TTC39B: variants seen among roughly 807,000 people sequenced by gnomAD.
TTC39B encodes tetratricopeptide repeat protein 39B.
TTC39B carries 92 observed loss-of-function variants against 96.6 expected under a neutral mutation model. The ratio of observed to expected loss-of-function variants is 0.95; its 90% CI spans 0.80 to 1.13. The LOEUF (loss-of-function observed/expected upper bound fraction) is 1.13, where lower values mean the gene tolerates loss of function less well. Ranked by LOEUF, TTC39B falls within the 50% of genes most tolerant of loss-of-function variation. The probability of loss-of-function intolerance (pLI) is 0.00; values close to 1 mark genes in which losing one functional copy is unlikely to be tolerated. For synonymous variants in TTC39B, 367 were observed against 299.4 expected, an observed-to-expected ratio of 1.23 and a Z score of -2.33; for missense variants, 955 against 809.3, an observed-to-expected ratio of 1.18 and a Z score of -2.18.
intron 1 of TTC39B, among the ~76,000 whole-genome samples, chr9:15,278,336 T>C (rs1823625964): frequency 6.6e-6 from 1 of 152,156 alleles, no homozygotes; most frequent in South Asian, 2.1e-4. Flanking sequence ...TAGTGATATA[T>C]GGTATATAAT....
rs928000474 is a variant in TTC39B at position 15,306,308 on chromosome 9, G to C, written c.240+776C>G. On this transcript the variant is annotated intron_variant, in intron 1 of 19. Coordinates refer to ENST00000512701, the Ensembl canonical transcript of TTC39B. The surrounding 1 kb of genome is among the most constrained non-coding windows in gnomAD (Gnocchi z 5.1). Reference sequence around the variant, plus strand: ...AATAGTCAATAAATCAACAGGTCCGGCGCGCTAGCCCCTGGGTGCTCAGGC... The same window carrying C: ...AATAGTCAATAAATCAACAGGTCCGCCGCGCTAGCCCCTGGGTGCTCAGGC... Among the ~76,000 whole-genome samples the C allele has an allele frequency of 3.3e-5, 5 of 152,216 alleles. No homozygotes were observed. The highest frequency in any genetic ancestry group is 1.5e-5 in the Non-Finnish European group (1 of 68,032).
At chr9:15,204,032 G>T (rs1434424073) in intron 6 of TTC39B, 142 bp from the exon 7 acceptor site, 2 of 647,656 alleles carry the variant, frequency 3.1e-6, no homozygotes, top group Admixed American at 3.1e-5. Flanking sequence ...CACAAAAGTG[G>T]AATGATAACC....
chr9:15,237,514 A>C (rs1461815359), intron 2 of TTC39B, among the ~76,000 whole-genome samples: 4 of 152,182 alleles, frequency 2.6e-5, no homozygotes, highest in Non-Finnish European at 5.9e-5. Context: ...ATTTATGCAC[A>C]CAAACTAGAA....
intron 2 of TTC39B, among the ~76,000 whole-genome samples, chr9:15,254,012 T>C (rs938440228): frequency 2.0e-5 from 3 of 152,034 alleles, no homozygotes; most frequent in Non-Finnish European, 2.9e-5. Flanking sequence ...GGAGAAAAAA[T>C]GTGGACTCGA....
chr9:15,174,248 C>G (rs1440036722), intron 19 of TTC39B, among the ~76,000 whole-genome samples: 2 of 82,012 alleles, frequency 2.4e-5, no homozygotes, highest in African/African-American at 7.1e-5. Context: ...AGTTGTCTCT[C>G]TAAAGCCTTT....
intron 3 of TTC39B, among the ~76,000 whole-genome samples, chr9:15,218,635 A>AATATATATAT (rs1554774372): frequency 6.7e-6 from 1 of 149,448 alleles, no homozygotes; most frequent in Non-Finnish European, 1.5e-5. Context: ...GTCTATTTTA[A>AATATATATAT]ATATATATAT....
chr9:15,269,548 T>A (rs1230983264), intron 1 of TTC39B, among the ~76,000 whole-genome samples: 1 of 152,072 alleles, frequency 6.6e-6, no homozygotes, highest in Non-Finnish European at 1.5e-5. Context: ...AAAACAAAAG[T>A]GTAAATACTA....
At chr9:15,233,041 T>C (rs1274791963) in intron 2 of TTC39B, among the ~76,000 whole-genome samples, 1 of 151,202 alleles carries the variant, frequency 6.6e-6, no homozygotes, top group Non-Finnish European at 1.5e-5. Flanking sequence ...AAGAGGAAAT[T>C]TTGCGATAGG....
At chr9:15,268,033 C>T in intron 1 of TTC39B, 85 bp from the exon 2 acceptor site, 1 of 1,264,600 alleles carries the variant, frequency 7.9e-7, no homozygotes, top group Non-Finnish European at 1.1e-6. Flanking sequence ...TGAATACACG[C>T]ATTGGGGAGA....
chr9:15,267,998 T>A, intron 1 of TTC39B, 50 bp from the exon 2 acceptor site: 6 of 1,545,390 alleles, frequency 3.9e-6, no homozygotes, highest in Non-Finnish European at 5.3e-6. Context: ...CTCAATGGGT[T>A]TCTCAAGAAT....
intron 6 of TTC39B, 44 bp from the exon 7 acceptor site, chr9:15,203,934 C>T: frequency 6.6e-7 from 1 of 1,526,526 alleles, no homozygotes; most frequent in African/African-American, 1.4e-5. Context: ...ATCACACATC[C>T]AAAGTGATTG....
At chr9:15,198,352 G>C (rs1819304823) in intron 8 of TTC39B, among the ~76,000 whole-genome samples, 1 of 151,760 alleles carries the variant, frequency 6.6e-6, no homozygotes, top group African/African-American at 2.4e-5. Context: ...AGCTGCTCGG[G>C]AGGCTGAGTC....
At chr9:15,170,113 C>CAGTT (rs1304190572) in exon 20 of TTC39B, 2 of 91,948 alleles carry the variant, frequency 2.2e-5, no homozygotes, top group African/African-American at 4.7e-5. Context: ...ATTATAATGA[C>CAGTT]AGTTAATTTT....
intron 6 of TTC39B, among the ~76,000 whole-genome samples, chr9:15,205,017 G>A (rs185363927): frequency 8.2e-4 from 125 of 152,260 alleles, no homozygotes; most frequent in African/African-American, 2.8e-3. Flanking sequence ...TTAAGTAAAC[G>A]AGCCTGGGGT....
intron 2 of TTC39B, among the ~76,000 whole-genome samples, chr9:15,262,125 G>C (rs1586974381): frequency 6.6e-6 from 1 of 152,008 alleles, no homozygotes; most frequent in East Asian, 1.9e-4. Flanking sequence ...TTGAGATGGA[G>C]TCTTGCTCTG....
intron 2 of TTC39B, among the ~76,000 whole-genome samples, chr9:15,259,812 C>T (rs1355575036): frequency 6.6e-6 from 1 of 152,142 alleles, no homozygotes; most frequent in African/African-American, 2.4e-5. Flanking sequence ...CATTCTATGA[C>T]ATGTGTAGAC....
intron 1 of TTC39B, among the ~76,000 whole-genome samples, chr9:15,282,353 T>C (rs151084787): frequency 8.1e-4 from 123 of 152,332 alleles, no homozygotes; most frequent in African/African-American, 2.8e-3. Context: ...TTGAAATGAC[T>C]GCAGAGGGAT....
rs1446030663 is a variant in TTC39B at position 15,251,688 on chromosome 9, C to CATACATAT, written c.275+16225_275+16226insATATGTAT. Among the ~76,000 whole-genome samples the CATACATAT allele has an allele frequency of 9.6e-4, 102 of 106,606 alleles. 1 individual carries two copies. Among genetic ancestry groups the CATACATAT allele is most frequent in the African/African-American group, 3.5e-3 (100 of 28,520 alleles). 69.9% of individuals were successfully genotyped at this position (106,606 alleles called of 152,430 possible). On this transcript the variant is annotated intron_variant, in intron 2 of 19. Transcript: ENST00000512701. Reference sequence around the variant, plus strand: ...GCGCATACACACACACACACACACACACATACATATACATATATATATATA... The same window carrying CATACATAT: ...GCGCATACACACACACACACACACACATACATATACATACATATACATATATATATATA...
intron 2 of TTC39B, among the ~76,000 whole-genome samples, chr9:15,258,434 C>T (rs1418280910): frequency 6.6e-6 from 1 of 152,146 alleles, no homozygotes; most frequent in Non-Finnish European, 1.5e-5. Context: ...ACCAAGAGTT[C>T]AGTTTGGGAC....
Sources: allele counts gnomAD v4.1 joint callset (sites outside exome capture counted in the v4.1 genomes callset), GRCh38; gene constraint gnomAD v4.1.1; non-coding constraint Gnocchi (gnomAD v3.1); transcripts MANE v1.5; gene names NCBI Gene and HGNC (gene_info 2026-07-23, HGNC 2026-07-21).